OLFM3: variants seen among roughly 807,000 people sequenced by gnomAD.
The protein encoded by OLFM3 is olfactomedin 3.
OLFM3 carries 20 observed loss-of-function variants against 48.6 expected under a neutral mutation model. The ratio of observed to expected loss-of-function variants is 0.41; its 90% CI spans 0.29 to 0.60. OLFM3 has a LOEUF of 0.60. OLFM3 is among the 20% of genes least tolerant of loss of function. OLFM3 has a pLI of 0.28. For synonymous variants in OLFM3, 222 were observed against 198.1 expected (o/e 1.12, Z -1.01); for missense variants, 437 against 544.3 (o/e 0.80, Z 1.96).
chr1:101,980,672 A>T (rs541059047), intron 1 of OLFM3, among the ~76,000 whole-genome samples: 3 of 152,324 alleles, frequency 2.0e-5, no homozygotes, highest in African/African-American at 7.2e-5. Context: ...ACAGTGTGAG[A>T]ATGGACTAAC....
chr1:101,806,239 C>T, intron 4 of OLFM3, 57 bp from the exon 5 acceptor site: 1 of 1,271,884 alleles, frequency 7.9e-7, no homozygotes, highest in Admixed American at 1.7e-5. Flanking sequence ...TTCCAATACG[C>T]ATACTCACAC....
At chr1:101,985,012 A>T (rs1327495540) in intron 1 of OLFM3, among the ~76,000 whole-genome samples, 2 of 152,244 alleles carry the variant, frequency 1.3e-5, no homozygotes, top group Non-Finnish European at 2.9e-5. Context: ...AACTGTCAGC[A>T]GGGCTGCATT....
intron 4 of OLFM3, among the ~76,000 whole-genome samples, chr1:101,815,428 CAG>C (rs1297587706): frequency 7.1e-6 from 1 of 139,920 alleles, no homozygotes; most frequent in Non-Finnish European, 1.5e-5. Context: ...GCCTGGGTGA[CAG>C]AACAAGACTC....
At chr1:101,957,789 T>A (rs1433717483) in intron 1 of OLFM3, among the ~76,000 whole-genome samples, 1 of 152,036 alleles carries the variant, frequency 6.6e-6, no homozygotes, top group African/African-American at 2.4e-5. Flanking sequence ...AAATAACCAA[T>A]TCCAAGCATC....
chr1:101,864,592 T>C (rs1329842327), intron 1 of OLFM3, among the ~76,000 whole-genome samples: 1 of 152,212 alleles, frequency 6.6e-6, no homozygotes, highest in African/African-American at 2.4e-5. Context: ...GGGTATGCCA[T>C]AACCCTTCTT....
intron 1 of OLFM3, among the ~76,000 whole-genome samples, chr1:101,967,056 C>T (rs1660633003): frequency 6.6e-6 from 1 of 152,086 alleles, no homozygotes; most frequent in African/African-American, 2.4e-5. Flanking sequence ...CCACCAGTTG[C>T]TATTTATATT....
chr1:101,826,687 A>AAT (rs1374907270), intron 3 of OLFM3, among the ~76,000 whole-genome samples: 1 of 152,182 alleles, frequency 6.6e-6, no homozygotes, highest in African/African-American at 2.4e-5. Context: ...AAGATTCATA[A>AAT]ATATCACAGT....
chr1:101,887,486 C>A (rs1001385179), intron 1 of OLFM3, among the ~76,000 whole-genome samples: 1 of 151,754 alleles, frequency 6.6e-6, no homozygotes, highest in Non-Finnish European at 1.5e-5. Flanking sequence ...AAGAAATTCT[C>A]CTTAAGAGAA....
At position 101,804,876 on chromosome 1, in the gene OLFM3, G is replaced by T; in HGVS notation, c.739C>A (p.Arg247Ser). The T allele has an allele frequency of 6.2e-7, 1 of 1,611,762 alleles. No individual in the cohort carries two copies. ...MDSYTNNKIV[R>S]EYKSIADFVS... ...AAGTCTGCAATTGATTTGTATTCAC[G>T]AACAATTTTATTGTTAGTATAACTG... Residue 247 changes from arginine to serine, a missense_variant, in exon 6 of 6, where the codon CGT becomes AGT. Coordinates refer to ENST00000370103, the MANE Select transcript of OLFM3 (RefSeq NM_058170.4). This position sits in a 1 kb window ranked among gnomAD's most constrained non-coding sequence, Gnocchi z 4.5.
intron 1 of OLFM3, among the ~76,000 whole-genome samples, chr1:101,916,144 A>G (rs182763563): frequency 6.6e-6 from 1 of 152,284 alleles, no homozygotes; most frequent in South Asian, 2.1e-4. Context: ...AGTCACTTTC[A>G]TCTCCTAATA....
intron 4 of OLFM3, chr1:101,813,129 TTC>T: frequency 7.8e-7 from 1 of 1,285,792 alleles, no homozygotes; most frequent in African/African-American, 1.5e-5. Context: ...TCTTCTTCTT[TTC>T]TCTTTTTTAA....
intron 1 of OLFM3, among the ~76,000 whole-genome samples, chr1:101,853,192 C>G (rs1396734229): frequency 6.6e-6 from 1 of 152,008 alleles, no homozygotes; most frequent in Non-Finnish European, 1.5e-5. Flanking sequence ...TCAGCTCTCC[C>G]CTTTGTTAAC....
intron 1 of OLFM3, among the ~76,000 whole-genome samples, chr1:101,889,323 TA>T (rs1313259928): frequency 6.6e-6 from 1 of 152,056 alleles, no homozygotes; most frequent in African/African-American, 2.4e-5. Context: ...TATGCATCCA[TA>T]AAAAAGGATG....
In OLFM3 at chr1:101,942,279, G is replaced by T. The variant is rs1314664776; in HGVS notation, c.69+54469C>A. 2.6e-5 allele frequency among the ~76,000 whole-genome samples: 4 copies of T among 152,112 alleles called. No individual in the cohort carries two copies. In the South Asian group the frequency reaches 8.3e-4, roughly 32 times the overall value. The stretch of plus-strand genomic sequence containing the variant: ...TTCAGGGATATGCTACATGTCTAAA[G>T]ACCACAGAATGAAAAATCTAGGCTG... On this transcript the variant is annotated intron_variant, in intron 1 of 5. Coordinates refer to ENST00000370103, the MANE Select transcript of OLFM3 (RefSeq NM_058170.4).
intron 1 of OLFM3, among the ~76,000 whole-genome samples, chr1:101,858,437 AG>A (rs1165837946): frequency 6.6e-6 from 1 of 152,068 alleles, no homozygotes; most frequent in Non-Finnish European, 1.5e-5. Flanking sequence ...GGATACTGAC[AG>A]GAACAAGAAA....
chr1:101,866,803 G>A (rs183735094), intron 1 of OLFM3, among the ~76,000 whole-genome samples: 1 of 152,248 alleles, frequency 6.6e-6, no homozygotes, highest in East Asian at 1.9e-4. Flanking sequence ...TAGTAAGTAT[G>A]ACTCGGTAAT....
At chr1:101,856,568 T>G (rs554340962) in intron 1 of OLFM3, among the ~76,000 whole-genome samples, 1 of 152,020 alleles carries the variant, frequency 6.6e-6, no homozygotes, top group Non-Finnish European at 1.5e-5. Context: ...CTCTTGTTAT[T>G]GAAATCAAAT....
At chr1:101,886,756 A>AAAT (rs555785589) in intron 1 of OLFM3, among the ~76,000 whole-genome samples, 33 of 152,196 alleles carry the variant, frequency 2.2e-4, no homozygotes, top group Non-Finnish European at 4.3e-4. Flanking sequence ...TGAAGACACT[A>AAAT]AATTTTGGGT....
chr1:101,956,104 A>T (rs200471746), intron 1 of OLFM3, among the ~76,000 whole-genome samples: 4,235 of 67,296 alleles, frequency 0.063, 82 homozygotes, highest in African/African-American at 0.11. Context: ...TTTTTTTTTT[A>T]AAAAAAACCT....
Sources: allele counts gnomAD v4.1 joint callset (sites outside exome capture counted in the v4.1 genomes callset), GRCh38; gene constraint gnomAD v4.1.1; non-coding constraint Gnocchi (gnomAD v3.1); transcripts MANE v1.5; gene names NCBI Gene and HGNC (gene_info 2026-07-23, HGNC 2026-07-21).